SCN9A: variants seen among roughly 807,000 people sequenced by gnomAD.
SCN9A encodes the protein sodium voltage-gated channel alpha subunit 9.
A neutral mutation model predicts 187.0 loss-of-function variants in SCN9A; 131 were observed. The ratio of observed to expected loss-of-function variants is 0.70; its 90% confidence interval spans 0.61 to 0.81. SCN9A has a LOEUF of 0.81. Ranked by LOEUF, SCN9A falls within the 30% of genes least tolerant of loss-of-function variation. The probability of loss-of-function intolerance (pLI) is 0.00; values close to 1 mark genes in which losing one functional copy is unlikely to be tolerated. For missense variants in SCN9A, 2,252 were observed against 2,396.6 expected (o/e 0.94, Z 1.26); for synonymous variants, 809 against 808.6 (o/e 1.00, Z -0.01).
chr2:166,344,008 A>G (rs1699846005), intron 1 of SCN9A, among the ~76,000 whole-genome samples: 1 of 152,192 alleles, frequency 6.6e-6, no homozygotes, highest in African/African-American at 2.4e-5. Flanking sequence ...CTTGTGAGAT[A>G]ACAGATTAGG....
chr2:166,369,798 T>C (rs558122779), intron 1 of SCN9A, among the ~76,000 whole-genome samples: 1 of 152,186 alleles, frequency 6.6e-6, no homozygotes, highest in Non-Finnish European at 1.5e-5. Flanking sequence ...CTTGAAAGAA[T>C]AGTCATTTAG....
chr2:166,325,076 C>T (rs1034671393), intron 1 of SCN9A, among the ~76,000 whole-genome samples: 24 of 152,020 alleles, frequency 1.6e-4, no homozygotes, highest in Non-Finnish European at 3.4e-4. Context: ...TGAAACTGTC[C>T]TTACTATCTG....
chr2:166,312,850 C>A (rs1004042825), intron 1 of SCN9A, among the ~76,000 whole-genome samples: 1 of 150,694 alleles, frequency 6.6e-6, no homozygotes, highest in African/African-American at 2.4e-5. Flanking sequence ...AGTATCAACA[C>A]TGGGCCTAAA....
At chr2:166,276,571 T>G (rs1697245942) in intron 16 of SCN9A, 2 of 154,564 alleles carry the variant, frequency 1.3e-5, no homozygotes, top group Admixed American at 1.3e-4. Context: ...ATCCTTGCTA[T>G]AGAGGCTAGT....
At chr2:166,200,296 C>A (rs1454106381) in intron 26 of SCN9A, among the ~76,000 whole-genome samples, 1 of 151,782 alleles carries the variant, frequency 6.6e-6, no homozygotes, top group Non-Finnish European at 1.5e-5. Flanking sequence ...CGTGCCCGGC[C>A]AAGACAGTTA....
chr2:166,304,184 C>T (rs2106523841), intron 6 of SCN9A, 54 bp downstream of exon 6: 2 of 1,610,432 alleles, frequency 1.2e-6, no homozygotes, highest in Non-Finnish European at 1.7e-6. Context: ...AAGAACAACT[C>T]CCAAATAGTT....
intron 13 of SCN9A, 90 bp downstream of exon 13, chr2:166,281,589 C>T (rs1697490021): frequency 8.3e-7 from 1 of 1,201,224 alleles, no homozygotes; most frequent in Non-Finnish European, 1.2e-6. Context: ...CTGAATTCTT[C>T]CTAAGAATTT....
chr2:166,257,950 A>G (rs1696350466), intron 17 of SCN9A, among the ~76,000 whole-genome samples: 1 of 151,542 alleles, frequency 6.6e-6, no homozygotes, highest in Admixed American at 6.6e-5. Context: ...ATTATCTTCA[A>G]ATAAACTGGA....
At position 166,277,267 on chromosome 2, in the gene SCN9A, C is replaced by A; in HGVS notation, c.2590G>T (p.Gly864Trp). ...MLIKIIGNSV[G>W]ALGNLTLVLA... ...ACTAAGGTGAGGTTACCTAGAGCCC[C>A]TACTGAGTTACCAATGATCTTAATC... is the stretch of plus-strand genomic sequence containing the variant. The change falls in exon 16 of 27, where the codon GGG becomes TGG. Residue 864 changes from glycine to tryptophan, a missense_variant. This residue lies in a region of SCN9A where 119 missense variants were observed against 188.7 expected (regional missense o/e 0.63). Transcript: ENST00000642356. The A allele has an allele frequency of 1.2e-6, 2 of 1,614,058 alleles. No homozygotes were observed. The highest frequency in any genetic ancestry group is 1.7e-6 in the Non-Finnish European group (2 of 1,179,954).
At chr2:166,264,727 T>C (rs903468956) in intron 17 of SCN9A, among the ~76,000 whole-genome samples, 8 of 151,880 alleles carry the variant, frequency 5.3e-5, no homozygotes, top group African/African-American at 1.5e-4. Flanking sequence ...ACCAGGATGC[T>C]AGGTCATAAA....
At chr2:166,302,925 T>G in intron 7 of SCN9A, 165 bp downstream of exon 7, 1 of 588,710 alleles carries the variant, frequency 1.7e-6, no homozygotes, top group Non-Finnish European at 2.9e-6. Flanking sequence ...ACCAGGATGA[T>G]TTATGAAAAT....
At chr2:166,242,801 T>A in intron 18 of SCN9A, 145 bp from the exon 19 acceptor site, 1 of 576,154 alleles carries the variant, frequency 1.7e-6, no homozygotes, top group Non-Finnish European at 3.0e-6. Context: ...ATAGATTTAA[T>A]TTGGATGCTG....
At chr2:166,254,176 ATTAT>A (rs955962944) in intron 17 of SCN9A, among the ~76,000 whole-genome samples, 41 of 151,778 alleles carry the variant, frequency 2.7e-4, no homozygotes, top group African/African-American at 8.9e-4. Flanking sequence ...GTTATTCAAT[ATTAT>A]TGTTCAATGG....
chr2:166,212,077 G>T (rs1416143490), intron 24 of SCN9A, among the ~76,000 whole-genome samples: 1 of 152,172 alleles, frequency 6.6e-6, no homozygotes, highest in Non-Finnish European at 1.5e-5. Context: ...TGATAAAAAA[G>T]ATACATTTTG....
At chr2:166,208,594 T>TCTAATAGTA (rs1415746617) in intron 24 of SCN9A, among the ~76,000 whole-genome samples, 3 of 152,196 alleles carry the variant, frequency 2.0e-5, no homozygotes, top group Non-Finnish European at 2.9e-5. Context: ...TGACTTTTGT[T>TCTAATAGTA]CTAATAGTAG....
At chr2:166,251,069 G>A (rs374366823) in intron 18 of SCN9A, among the ~76,000 whole-genome samples, 1 of 152,052 alleles carries the variant, frequency 6.6e-6, no homozygotes, top group South Asian at 2.1e-4. Context: ...ATGACCAATG[G>A]GGAATTGTAA....
intron 24 of SCN9A, among the ~76,000 whole-genome samples, chr2:166,211,936 A>G (rs974490999): frequency 6.6e-6 from 1 of 152,244 alleles, no homozygotes; most frequent in African/African-American, 2.4e-5. Context: ...GATTATTTCA[A>G]ATACAAATGG....
chr2:166,373,356 G>A (rs773104432), intron 1 of SCN9A, among the ~76,000 whole-genome samples: 3 of 147,306 alleles, frequency 2.0e-5, no homozygotes, highest in Non-Finnish European at 4.5e-5. Context: ...ATGTTTGTTA[G>A]GGGAGACAGG....
chr2:166,204,475 A>G lies in SCN9A; in HGVS notation c.4399-11T>C, dbSNP rs1217240134. 7.3e-7 allele frequency: 1 copy of G among 1,369,648 alleles called. No individual in the cohort carries two copies. Among genetic ancestry groups the G allele is most frequent in the South Asian group, 1.3e-5 (1 of 74,982 alleles). 84.8% of individuals were successfully genotyped at this position (1,369,648 alleles called of 1,614,324 possible). On this transcript the variant is annotated splice_polypyrimidine_tract_variant and intron_variant, in intron 24 of 26. Transcript: ENST00000642356. ...GTCTTGACCTCCAAGGTAAAGAAACAAACAAAAAATAAATGTAGTTAAAAC... is the reference window on the plus strand; with the variant it reads ...GTCTTGACCTCCAAGGTAAAGAAACGAACAAAAAATAAATGTAGTTAAAAC...
Sources: allele counts gnomAD v4.1 joint callset (sites outside exome capture counted in the v4.1 genomes callset), GRCh38; gene constraint gnomAD v4.1.1; regional missense constraint gnomAD v4.1.1; transcripts MANE v1.5; gene names NCBI Gene and HGNC (gene_info 2026-07-23, HGNC 2026-07-21).